Variants in IL33 observed in about 807,000 individuals in gnomAD.
IL33 encodes interleukin-33.
In IL33, 37 loss-of-function variants were observed where a neutral mutation model predicts 27.3. The ratio of observed to expected loss-of-function variants is 1.36; its 90% CI spans 1.04 to 1.78. The LOEUF is 1.78. Ranked by LOEUF, IL33 falls within the 40% of genes most tolerant of loss-of-function variation. The pLI, the probability that IL33 is intolerant of heterozygous loss-of-function variation, is 0.00. For missense variants in IL33, 406 were observed against 311.4 expected (o/e 1.30, Z -2.29); for synonymous variants, 132 against 102.9 (o/e 1.28, Z -1.71).
chr9:6,222,921 T>C (rs995243930), intron 1 of IL33, among the ~76,000 whole-genome samples: 2 of 152,150 alleles, frequency 1.3e-5, no homozygotes, highest in Admixed American at 6.6e-5. Flanking sequence ...AGCTTTTTAA[T>C]TCAGAAATAT....
In IL33 at chr9:6,257,247, G is replaced by A. The variant is rs1186029718; in HGVS notation, c.*1079G>A. On this transcript the variant is annotated 3_prime_UTR_variant, in exon 8 of 8. Transcript: ENST00000682010. ...GTTGCTTCTAATCCTTATTTCCCAT[G>A]TGCACAAGTCTTTTTGTATTCCAGC... The A allele has an allele frequency of 2.0e-5, 3 of 152,038 alleles. No homozygotes were observed. Among genetic ancestry groups the A allele is most frequent in the African/African-American group, 2.4e-5 (1 of 41,394 alleles). The allele number at this position is 152,038 out of a possible 1,614,324, so 9.4% of individuals were successfully genotyped here.
intron 1 of IL33, among the ~76,000 whole-genome samples, chr9:6,234,664 G>T (rs1254210273): frequency 6.6e-6 from 1 of 152,090 alleles, no homozygotes; most frequent in Non-Finnish European, 1.5e-5. Context: ...TCCCCTCCTC[G>T]TTAGTCCCAT....
At chr9:6,217,852 T>TATTTGACAAATTTGAATACTTAA (rs1554696671) in intron 1 of IL33, among the ~76,000 whole-genome samples, 2 of 152,002 alleles carry the variant, frequency 1.3e-5, no homozygotes, top group Non-Finnish European at 2.9e-5. Context: ...AGTCAGAGAC[T>TATTTGACAAATTTGAATACTTAA]TGAGAGTGAA....
At chr9:6,245,987 C>T (rs922658468) in intron 2 of IL33, among the ~76,000 whole-genome samples, 6 of 125,168 alleles carry the variant, frequency 4.8e-5, no homozygotes, top group East Asian at 2.8e-4. Context: ...GGCATGAACT[C>T]GGGAGGCAGA....
At position 6,252,848 on chromosome 9, in the gene IL33, T is replaced by G. The variant is rs747727567; in HGVS notation, c.344-18T>G. 1.1e-5 allele frequency: 17 copies of G among 1,592,636 alleles called. 2 individuals carry two copies. In the South Asian group the frequency reaches 2.0e-4, roughly 19 times the overall value. On this transcript the variant is annotated intron_variant, in intron 4 of 7. Coordinates refer to ENST00000682010, the MANE Select transcript of IL33 (RefSeq NM_033439.4). ...CAAAAGAATTGTGCCTGACAAATTT[T>G]TGAATTCTTAACAACAGGAATTTCA...
At chr9:6,222,381 G>T (rs1818448918) in intron 1 of IL33, among the ~76,000 whole-genome samples, 1 of 152,166 alleles carries the variant, frequency 6.6e-6, no homozygotes, top group Admixed American at 6.6e-5. Flanking sequence ...AAATAAGAAA[G>T]GAACCAGCCT....
At chr9:6,221,681 CCTTA>C (rs1310548068) in intron 1 of IL33, among the ~76,000 whole-genome samples, 3 of 152,094 alleles carry the variant, frequency 2.0e-5, no homozygotes, top group Non-Finnish European at 4.4e-5. Context: ...CGTTGGTTCT[CCTTA>C]CTATCTAGGT....
chr9:6,240,171 C>T (rs531446521), intron 1 of IL33, among the ~76,000 whole-genome samples: 1 of 152,172 alleles, frequency 6.6e-6, no homozygotes, highest in Non-Finnish European at 1.5e-5. Flanking sequence ...ATATGAGTGA[C>T]CACGGCCTGT....
At chr9:6,225,441 A>G (rs1412541533) in intron 1 of IL33, among the ~76,000 whole-genome samples, 1 of 152,148 alleles carries the variant, frequency 6.6e-6, no homozygotes, top group Admixed American at 6.5e-5. Context: ...TGGCTCCACC[A>G]CATACCCATT....
chr9:6,236,265 T>C (rs1217471332), intron 1 of IL33, among the ~76,000 whole-genome samples: 1 of 152,166 alleles, frequency 6.6e-6, no homozygotes, highest in Non-Finnish European at 1.5e-5. Context: ...AAGCTTAAAA[T>C]ATATTTGCAG....
rs1816616007 is a variant in IL33 at position 6,254,569 on chromosome 9, TTATC to T, written c.612+20_612+23del. 25 of 1,323,700 alleles carry T rather than the reference TTATC, an allele frequency of 1.9e-5. No homozygotes were observed. The East Asian group carries it at 5.9e-4, about 31-fold the overall frequency. 82.0% of individuals were successfully genotyped at this position (1,323,700 alleles called of 1,614,324 possible). ...CTCTGTGGAGGTAAAAAAAAAAAAT[TTATC>T]TATATCTATATATATGATTACAGAA... On this transcript the variant is annotated intron_variant, in intron 7 of 7. Coordinates refer to ENST00000682010, the MANE Select transcript of IL33 (RefSeq NM_033439.4).
At chr9:6,249,173 G>C (rs1816187222) in intron 2 of IL33, among the ~76,000 whole-genome samples, 1 of 152,138 alleles carries the variant, frequency 6.6e-6, no homozygotes, top group African/African-American at 2.4e-5. Flanking sequence ...ATCAGTTGAA[G>C]ATAGTTAAAG....
At chr9:6,223,568 A>T (rs910885355) in intron 1 of IL33, among the ~76,000 whole-genome samples, 3 of 152,182 alleles carry the variant, frequency 2.0e-5, no homozygotes, top group African/African-American at 7.2e-5. Context: ...TTAAAACATA[A>T]CATTATTTAA....
intron 2 of IL33, among the ~76,000 whole-genome samples, chr9:6,250,155 A>C (rs7042738): frequency 0.054 from 8,239 of 152,198 alleles, 724 homozygotes; most frequent in African/African-American, 0.18. Flanking sequence ...GTTCACATCA[A>C]CTAACTCCTG....
intron 1 of IL33, among the ~76,000 whole-genome samples, chr9:6,232,472 A>C (rs1818971690): frequency 6.6e-6 from 1 of 152,130 alleles, no homozygotes. Flanking sequence ...ATTTAAATGT[A>C]TGTCATTTCC....
At chr9:6,255,883 C>A in intron 7 of IL33, 85 bp from the exon 8 acceptor site, 1 of 1,042,864 alleles carries the variant, frequency 9.6e-7, no homozygotes, top group Non-Finnish European at 1.5e-6. Flanking sequence ...AATAAGTATT[C>A]CCCTTTAGTT....
chr9:6,230,248 C>T (rs1444769498), intron 1 of IL33, among the ~76,000 whole-genome samples: 1 of 152,102 alleles, frequency 6.6e-6, no homozygotes, highest in Non-Finnish European at 1.5e-5. Context: ...ACTATCCCTC[C>T]CTCTTCTCAC....
chr9:6,227,352 G>C (rs1039705496), intron 1 of IL33, among the ~76,000 whole-genome samples: 1 of 152,146 alleles, frequency 6.6e-6, no homozygotes, highest in Admixed American at 6.5e-5. Flanking sequence ...AAGTTTGCTA[G>C]CCTCCCATTC....
intron 1 of IL33, among the ~76,000 whole-genome samples, chr9:6,240,402 G>C (rs955932140): frequency 3.9e-5 from 6 of 152,164 alleles, no homozygotes; most frequent in African/African-American, 7.2e-5. Context: ...TCAATAAAAA[G>C]GAATGTCTGG....
Sources: allele counts gnomAD v4.1 joint callset (sites outside exome capture counted in the v4.1 genomes callset), GRCh38; gene constraint gnomAD v4.1.1; transcripts MANE v1.5; gene names NCBI Gene and HGNC (gene_info 2026-07-23, HGNC 2026-07-21).